WWOX: variants seen among roughly 807,000 people sequenced by gnomAD.
WWOX encodes WW domain-containing oxidoreductase.
A neutral mutation model predicts 46.2 loss-of-function variants in WWOX; 69 were observed. The ratio of observed to expected loss-of-function variants is 1.49; its 90% CI spans 1.23 to 1.82. WWOX has a LOEUF of 1.82. Ranked by LOEUF, WWOX falls within the 40% of genes most tolerant of loss-of-function variation. The probability of loss-of-function intolerance (pLI) is 0.00; values close to 1 mark genes in which losing one functional copy is unlikely to be tolerated. For synonymous variants in WWOX, 359 were observed against 202.6 expected, an observed-to-expected ratio of 1.77 and a Z score of -6.56; for missense variants, 919 against 542.6, an observed-to-expected ratio of 1.69 and a Z score of -6.89.
intron 5 of WWOX, among the ~76,000 whole-genome samples, chr16:78,300,638 G>A (rs1383593943): frequency 1.3e-5 from 2 of 151,574 alleles, no homozygotes; most frequent in Non-Finnish European, 2.9e-5. Context: ...TGACTTTTTC[G>A]GGAAATGATT....
rs112498789 is a variant in WWOX at position 78,252,626 on chromosome 16, G to A, written c.516+88337G>A. Among the ~76,000 whole-genome samples the A allele has an allele frequency of 7.2e-3, 1,089 of 152,236 alleles. 13 individuals carry two copies. Among genetic ancestry groups the A allele is most frequent in the African/African-American group, 0.025 (1,030 of 41,542 alleles). On this transcript the variant is annotated intron_variant, in intron 5 of 8. Transcript: ENST00000566780. ...TTTCCTTCTACTTAAGGGCTCTCAC[G>A]TTCTAGAATACATCTTACCAGCGAT... is the stretch of plus-strand genomic sequence containing the variant.
chr16:78,790,631 C>G (rs775391558), intron 8 of WWOX, among the ~76,000 whole-genome samples: 1 of 152,158 alleles, frequency 6.6e-6, no homozygotes, highest in South Asian at 2.1e-4. Flanking sequence ...AATTTTCTTT[C>G]TTTCTTCACC....
chr16:79,026,244 T>C, intron 8 of WWOX, among the ~76,000 whole-genome samples: 1 of 151,802 alleles, frequency 6.6e-6, no homozygotes, highest in African/African-American at 2.4e-5. Context: ...TTCCCTTCTC[T>C]GTGCTTTAGT....
intron 8 of WWOX, among the ~76,000 whole-genome samples, chr16:78,618,640 C>T (rs13337079): frequency 0.21 from 31,851 of 152,050 alleles, 3,754 homozygotes; most frequent in African/African-American, 0.31. Flanking sequence ...ACACAGTACG[C>T]TCTCATAAGA....
chr16:78,921,167 T>G (rs1470055382), intron 8 of WWOX, among the ~76,000 whole-genome samples: 2 of 152,210 alleles, frequency 1.3e-5, no homozygotes, highest in African/African-American at 4.8e-5. Context: ...GGAACTTTTT[T>G]TTTCAAACAC....
intron 8 of WWOX, among the ~76,000 whole-genome samples, chr16:78,827,741 T>G (rs1188495845): frequency 6.6e-6 from 1 of 151,878 alleles, no homozygotes; most frequent in Non-Finnish European, 1.5e-5. Context: ...CTTGGGAGGC[T>G]AAGGCAGGAG....
At chr16:78,729,789 A>T (rs931579206) in intron 8 of WWOX, among the ~76,000 whole-genome samples, 1 of 152,216 alleles carries the variant, frequency 6.6e-6, no homozygotes, top group Admixed American at 6.5e-5. Context: ...GCTAAGGGTC[A>T]GAAACAGGAT....
At chr16:78,777,836 A>G (rs1341051993) in intron 8 of WWOX, among the ~76,000 whole-genome samples, 4 of 152,128 alleles carry the variant, frequency 2.6e-5, no homozygotes, top group East Asian at 1.9e-4. Context: ...CATGAGGTCA[A>G]GAGATCAAGA....
intron 5 of WWOX, among the ~76,000 whole-genome samples, chr16:78,218,697 G>A (rs1004721799): frequency 2.0e-5 from 3 of 152,200 alleles, no homozygotes; most frequent in African/African-American, 7.2e-5. Context: ...AGCAAAGTAG[G>A]GAAAGCACGA....
intron 8 of WWOX, among the ~76,000 whole-genome samples, chr16:78,460,745 G>A (rs772644161): frequency 6.6e-6 from 1 of 152,224 alleles, no homozygotes; most frequent in Non-Finnish European, 1.5e-5. Flanking sequence ...GGCATAGCAA[G>A]GATGGGATCC....
chr16:78,907,228 T>A (rs1212023150), intron 8 of WWOX, among the ~76,000 whole-genome samples: 1 of 152,084 alleles, frequency 6.6e-6, no homozygotes, highest in Admixed American at 6.5e-5. Flanking sequence ...AATCCGCTTC[T>A]GGGTGGGGGG....
intron 8 of WWOX, among the ~76,000 whole-genome samples, chr16:79,049,816 C>T (rs2048132991): frequency 1.5e-5 from 2 of 135,046 alleles, no homozygotes; most frequent in African/African-American, 2.9e-5. Flanking sequence ...GCCTGGCCGA[C>T]AGAGTGAGAC....
At chr16:79,084,091 TG>T (rs1282882874) in intron 8 of WWOX, among the ~76,000 whole-genome samples, 2 of 151,976 alleles carry the variant, frequency 1.3e-5, no homozygotes, top group East Asian at 3.9e-4. Flanking sequence ...TGGTGGAGAG[TG>T]GCTGAGAAAC....
intron 8 of WWOX, among the ~76,000 whole-genome samples, chr16:78,699,465 G>A (rs1453155744): frequency 6.6e-6 from 1 of 152,122 alleles, no homozygotes. Context: ...CCTGAGCCCA[G>A]GAGGCAGAGG....
At chr16:78,367,582 A>G (rs72796009) in intron 5 of WWOX, among the ~76,000 whole-genome samples, 1 of 152,056 alleles carries the variant, frequency 6.6e-6, no homozygotes, top group Non-Finnish European at 1.5e-5. Flanking sequence ...ACAGAACAAC[A>G]TTTTTGTAAG....
chr16:79,187,765 C>A (rs1314510544), intron 8 of WWOX, among the ~76,000 whole-genome samples: 1 of 152,212 alleles, frequency 6.6e-6, no homozygotes, highest in Non-Finnish European at 1.5e-5. Flanking sequence ...TGGTCTCGAA[C>A]TCCTGGGCTC....
At chr16:78,278,401 A>T (rs2079616617) in intron 5 of WWOX, among the ~76,000 whole-genome samples, 3 of 152,216 alleles carry the variant, frequency 2.0e-5, no homozygotes, top group Admixed American at 2.0e-4. Flanking sequence ...GCTTCCTGTC[A>T]GGGGAAATAC....
intron 8 of WWOX, among the ~76,000 whole-genome samples, chr16:78,767,645 A>AC (rs2049956759): frequency 6.6e-6 from 1 of 152,094 alleles, no homozygotes; most frequent in Non-Finnish European, 1.5e-5. Context: ...AAACTGCCAA[A>AC]CTGTCTTCAA....
chr16:78,461,852 C>T lies in WWOX; in HGVS notation c.1056+29100C>T, dbSNP rs2083957963. On this transcript the variant is annotated intron_variant, in intron 8 of 8. Coordinates refer to ENST00000566780, the MANE Select transcript of WWOX (RefSeq NM_016373.4). ...GGAAAATGTTTTTCTTTAACCACAA[C>T]ATTCATGCAATACCAACTGCTGGCA... is the stretch of plus-strand genomic sequence containing the variant. 2.0e-5 allele frequency among the ~76,000 whole-genome samples: 3 copies of T among 152,218 alleles called. No homozygotes were observed. The South Asian group carries it at 6.2e-4, about 32-fold the overall frequency.
Sources: allele counts gnomAD v4.1 joint callset (sites outside exome capture counted in the v4.1 genomes callset), GRCh38; gene constraint gnomAD v4.1.1; transcripts MANE v1.5; gene names NCBI Gene and HGNC (gene_info 2026-07-23, HGNC 2026-07-21).